Variants in ZC4H2 observed in about 807,000 individuals in gnomAD.
ZC4H2 encodes zinc finger C4H2 domain-containing protein.
For missense variants in ZC4H2, 137 were observed against 173.9 expected, an observed-to-expected ratio of 0.79 and a Z score of 1.19; for synonymous variants, 84 against 66.3, an observed-to-expected ratio of 1.27 and a Z score of -1.30.
At chrX:64,980,787 G>A (rs1455805907), upstream of ZC4H2, among the ~76,000 whole-genome samples, 2 of 110,862 alleles carry the variant, frequency 1.8e-5, no homozygotes, top group African/African-American at 6.6e-5. Flanking sequence ...CACCTACTAT[G>A]TTCTATTAGT....
intron 1 of ZC4H2, among the ~76,000 whole-genome samples, chrX:64,953,202 T>C (rs1464309051): frequency 8.9e-6 from 1 of 112,060 alleles, no homozygotes; most frequent in Non-Finnish European, 1.9e-5. Flanking sequence ...ATGTTAGACC[T>C]AAAACCATAA....
At chrX:64,944,224 G>A (rs182747866) in intron 1 of ZC4H2, among the ~76,000 whole-genome samples, 3,943 of 102,462 alleles carry the variant, frequency 0.038, 83 homozygotes, top group South Asian at 0.056. Flanking sequence ...CACTGCAAGC[G>A]CTGCCTCTCA....
chrX:64,939,118 A>C (rs946858520), intron 1 of ZC4H2, among the ~76,000 whole-genome samples: 1 of 112,046 alleles, frequency 8.9e-6, no homozygotes, highest in African/African-American at 3.2e-5. Context: ...ATGTGCAAAA[A>C]TCACAAGCAT....
intron 1 of ZC4H2, among the ~76,000 whole-genome samples, chrX:64,958,399 TTG>T (rs201619196): frequency 2.7e-5 from 3 of 111,342 alleles, no homozygotes; most frequent in Non-Finnish European, 5.6e-5. Flanking sequence ...GTGTGTGTAT[TTG>T]TGTGTGTGTA....
At chrX:65,010,961 T>C (rs1569229963) in intron 1 of ZC4H2, among the ~76,000 whole-genome samples, 1 of 111,987 alleles carries the variant, frequency 8.9e-6, no homozygotes, top group Non-Finnish European at 1.9e-5. Flanking sequence ...AATTTAAAAA[T>C]TTAGATAACC....
At chrX:64,958,104 AAAAGT>A (rs1931228505) in intron 1 of ZC4H2, among the ~76,000 whole-genome samples, 1 of 111,801 alleles carries the variant, frequency 8.9e-6, no homozygotes, top group Non-Finnish European at 1.9e-5. Context: ...AATAATGATA[AAAAGT>A]ATAGTATAGT....
At chrX:64,951,764 G>A in intron 1 of ZC4H2, among the ~76,000 whole-genome samples, 1 of 110,971 alleles carries the variant, frequency 9.0e-6, no homozygotes, top group African/African-American at 3.3e-5. Context: ...TGCTCACTCT[G>A]ATGGTAGTTT....
intron 1 of ZC4H2, among the ~76,000 whole-genome samples, chrX:64,928,542 A>G (rs995470690): frequency 4.5e-5 from 5 of 110,896 alleles, no homozygotes; most frequent in African/African-American, 1.6e-4. Context: ...AGTATAGTAT[A>G]GTGATGTTAA....
At chrX:64,953,472 C>A (rs922231334) in intron 1 of ZC4H2, among the ~76,000 whole-genome samples, 2 of 111,806 alleles carry the variant, frequency 1.8e-5, no homozygotes, top group Non-Finnish European at 3.8e-5. Flanking sequence ...AACAAATTTA[C>A]AAGGAAAAAA....
intron 1 of ZC4H2, among the ~76,000 whole-genome samples, chrX:64,950,528 G>A (rs1235065996): frequency 9.0e-6 from 1 of 111,200 alleles, no homozygotes; most frequent in Non-Finnish European, 1.9e-5. Flanking sequence ...GAATCTGGGT[G>A]CTCCTGTATT....
intron 1 of ZC4H2, among the ~76,000 whole-genome samples, chrX:64,995,894 A>C (rs1177633497): frequency 8.9e-6 from 1 of 112,555 alleles, no homozygotes; most frequent in Non-Finnish European, 1.9e-5. Context: ...AAGGCAAATA[A>C]ACAACACGAA....
chrX:65,026,601 C>T (rs1213010758), intron 1 of ZC4H2, among the ~76,000 whole-genome samples: 4 of 110,005 alleles, frequency 3.6e-5, no homozygotes, highest in South Asian at 4.0e-4. Context: ...CCCAGCTACT[C>T]GGGAGGCTGA....
intron 1 of ZC4H2, among the ~76,000 whole-genome samples, chrX:64,928,442 G>T (rs1419552315): frequency 9.0e-6 from 1 of 111,701 alleles, no homozygotes; most frequent in Non-Finnish European, 1.9e-5. Flanking sequence ...TAGATTTGTG[G>T]CATTAAATCC....
At chrX:64,969,742 A>C (rs906178493) in intron 1 of ZC4H2, among the ~76,000 whole-genome samples, 2 of 111,978 alleles carry the variant, frequency 1.8e-5, no homozygotes, top group Non-Finnish European at 3.8e-5. Flanking sequence ...AACCTCCTGC[A>C]TGGTCAAGTA....
In ZC4H2 at chrX:64,937,346, T is replaced by C. The variant is rs1188544051; in HGVS notation, c.54-15358A>G. Among the ~76,000 whole-genome samples the C allele has an allele frequency of 3.6e-5, 4 of 111,140 alleles. No individual in the cohort carries two copies. In the East Asian group the frequency reaches 1.1e-3, roughly 31 times the overall value. Reference sequence around the variant, plus strand: ...CCCACACAATAATAGTGGGAGACTTTAACACCCCACTGTCAATATTAGACA... The same window carrying C: ...CCCACACAATAATAGTGGGAGACTTCAACACCCCACTGTCAATATTAGACA... On this transcript the variant is annotated intron_variant, in intron 1 of 4. Coordinates refer to ENST00000374839, the MANE Select transcript of ZC4H2 (RefSeq NM_018684.4).
chrX:64,920,736 G>A (rs1929160324), intron 2 of ZC4H2, among the ~76,000 whole-genome samples: 1 of 112,279 alleles, frequency 8.9e-6, no homozygotes, highest in Admixed American at 9.4e-5. Context: ...TCCTAGATCA[G>A]TGATTCTCAA....
At chrX:64,928,960 C>A (rs866117158) in intron 1 of ZC4H2, among the ~76,000 whole-genome samples, 12 of 104,405 alleles carry the variant, frequency 1.1e-4, no homozygotes, top group African/African-American at 3.9e-4. Context: ...ATGATCTCGG[C>A]TCACTGCAAC....
At chrX:64,982,751 A>G (rs1197902046) in intron 1 of ZC4H2, among the ~76,000 whole-genome samples, 1 of 112,092 alleles carries the variant, frequency 8.9e-6, no homozygotes, top group Non-Finnish European at 1.9e-5. Flanking sequence ...TAACTTATAA[A>G]GCCACAATGA....
intron 1 of ZC4H2, among the ~76,000 whole-genome samples, chrX:64,951,183 C>T (rs985073624): frequency 8.0e-5 from 9 of 112,443 alleles, no homozygotes; most frequent in African/African-American, 1.6e-4. Context: ...ATATGTGCCA[C>T]ATTTTCTTAA....
Sources: gnomAD v4.1 joint callset for allele counts (sites outside exome capture counted in the v4.1 genomes callset) on GRCh38, gnomAD v4.1.1 for gene constraint, MANE v1.5 for transcripts, NCBI Gene and HGNC (gene_info 2026-07-23, HGNC 2026-07-21) for gene names.